PRKCE: variants seen among roughly 807,000 people sequenced by gnomAD.
PRKCE encodes the protein protein kinase C epsilon type.
In PRKCE, 16 loss-of-function variants were observed where a neutral mutation model predicts 85.4. That is an observed-to-expected ratio of 0.19 (90% CI 0.13 to 0.28). The LOEUF is 0.28. Among genes scored for constraint, PRKCE ranks in the 10% least tolerant of loss-of-function variants. The pLI, the probability that PRKCE is intolerant of heterozygous loss-of-function variation, is 1.00. For missense variants in PRKCE, 573 were observed against 975.2 expected (o/e 0.59, Z 5.49); for synonymous variants, 388 against 371.5 (o/e 1.04, Z -0.51).
chr2:45,696,027 T>G (rs549007486), intron 1 of PRKCE, among the ~76,000 whole-genome samples: 15 of 152,036 alleles, frequency 9.9e-5, no homozygotes, highest in African/African-American at 3.6e-4. Flanking sequence ...GCCATGCTGG[T>G]GTACTGCACC....
intron 14 of PRKCE, among the ~76,000 whole-genome samples, chr2:46,175,680 C>A (rs1343662169): frequency 1.3e-5 from 2 of 152,138 alleles, no homozygotes; most frequent in African/African-American, 4.8e-5. Context: ...TCTCACAGAT[C>A]GGCATTTAAA....
At chr2:45,968,067 T>C (rs1446740879) in intron 2 of PRKCE, among the ~76,000 whole-genome samples, 4 of 152,176 alleles carry the variant, frequency 2.6e-5, no homozygotes, top group Admixed American at 6.5e-5. Flanking sequence ...ATCATGCATG[T>C]TGGCAAGTCT....
At chr2:46,103,671 C>G (rs1221119895) in intron 11 of PRKCE, among the ~76,000 whole-genome samples, 4 of 152,090 alleles carry the variant, frequency 2.6e-5, no homozygotes, top group Non-Finnish European at 4.4e-5. Flanking sequence ...ATAACATAAA[C>G]AGTTAATTGG....
intron 6 of PRKCE, among the ~76,000 whole-genome samples, chr2:45,993,193 A>C (rs1703948446): frequency 6.6e-6 from 1 of 152,078 alleles, no homozygotes; most frequent in African/African-American, 2.4e-5. Context: ...ATTAATGCAA[A>C]TGCATCTCAG....
intron 1 of PRKCE, among the ~76,000 whole-genome samples, chr2:45,749,551 A>C (rs931672502): frequency 1.3e-5 from 2 of 152,248 alleles, no homozygotes; most frequent in Admixed American, 6.5e-5. Flanking sequence ...GAGAATTCAC[A>C]GTACTAAATA....
At chr2:46,144,894 C>A (rs1044140102) in intron 11 of PRKCE, among the ~76,000 whole-genome samples, 199 bp from the exon 12 acceptor site, 1 of 152,172 alleles carries the variant, frequency 6.6e-6, no homozygotes, top group Non-Finnish European at 1.5e-5. Context: ...CTCCCTCTTG[C>A]TGAAGAAAGT....
chr2:45,747,933 C>T (rs1683267196), intron 1 of PRKCE, among the ~76,000 whole-genome samples: 1 of 152,006 alleles, frequency 6.6e-6, no homozygotes, highest in Admixed American at 6.6e-5. Flanking sequence ...CAATGTTGAG[C>T]ATCTTTTCAT....
intron 6 of PRKCE, among the ~76,000 whole-genome samples, chr2:45,998,650 G>A (rs1704415562): frequency 1.3e-5 from 2 of 152,024 alleles, no homozygotes; most frequent in African/African-American, 4.8e-5. Flanking sequence ...ATTGACATTT[G>A]AAGTCAATGA....
At chr2:45,946,655 G>A (rs886454917) in intron 2 of PRKCE, among the ~76,000 whole-genome samples, 4 of 152,190 alleles carry the variant, frequency 2.6e-5, no homozygotes, top group African/African-American at 9.7e-5. Flanking sequence ...GAGTTCCATG[G>A]AGGAGGAGGT....
intron 10 of PRKCE, among the ~76,000 whole-genome samples, chr2:46,013,896 A>G (rs530414630): frequency 4.8e-4 from 73 of 152,322 alleles, no homozygotes; most frequent in African/African-American, 1.6e-3. Context: ...GAAGTGTGTA[A>G]AGTGATGTCA....
chr2:45,867,722 C>T (rs1254671198), intron 2 of PRKCE, among the ~76,000 whole-genome samples: 3 of 151,980 alleles, frequency 2.0e-5, no homozygotes, highest in Non-Finnish European at 1.5e-5. Context: ...AGGGTTTTGT[C>T]TTTTTGGAGT....
chr2:46,151,280 T>TACACACACACAC lies in PRKCE; in HGVS notation c.1920+84_1920+95dup, dbSNP rs35676949. 2.1e-4 allele frequency: 115 copies of TACACACACACAC among 559,154 alleles called. 1 individual carries two copies. Among genetic ancestry groups the TACACACACACAC allele is most frequent in the African/African-American group, 1.3e-3 (59 of 44,128 alleles). 34.6% of individuals were successfully genotyped at this position (559,154 alleles called of 1,614,324 possible). ...CTGTGCTCTCCTGGGCTCCTCCCCCTACACACACACACACACACACACACA... is the reference window on the plus strand; with the variant it reads ...CTGTGCTCTCCTGGGCTCCTCCCCCTACACACACACACACACACACACACACACACACACACA... On this transcript the variant is annotated intron_variant, in intron 13 of 14. Transcript: ENST00000306156.
intron 1 of PRKCE, among the ~76,000 whole-genome samples, chr2:45,788,528 T>C (rs1034931830): frequency 2.0e-5 from 3 of 152,352 alleles, no homozygotes; most frequent in Non-Finnish European, 1.5e-5. Flanking sequence ...TCAGGGGGCC[T>C]GCTTCTACAC....
At chr2:45,890,186 C>G (rs1041441877) in intron 2 of PRKCE, among the ~76,000 whole-genome samples, 3 of 152,174 alleles carry the variant, frequency 2.0e-5, no homozygotes, top group African/African-American at 7.2e-5. Flanking sequence ...TTATTATGGA[C>G]AATTTCAATA....
At chr2:45,891,167 C>G (rs878912113) in intron 2 of PRKCE, among the ~76,000 whole-genome samples, 2 of 152,140 alleles carry the variant, frequency 1.3e-5, no homozygotes, top group Admixed American at 1.3e-4. Flanking sequence ...ATAGATTTAC[C>G]CGACACACAC....
chr2:46,085,736 G>A (rs1005793847), intron 10 of PRKCE, among the ~76,000 whole-genome samples: 4 of 104,564 alleles, frequency 3.8e-5, no homozygotes, highest in African/African-American at 1.3e-4. Flanking sequence ...TGCAAAATCC[G>A]TTTTTTTTTT....
chr2:46,067,658 G>C (rs1667735207), intron 10 of PRKCE, among the ~76,000 whole-genome samples: 1 of 152,200 alleles, frequency 6.6e-6, no homozygotes, highest in African/African-American at 2.4e-5. Flanking sequence ...CTTGCATCTA[G>C]TAGATGCTCA....
At chr2:45,710,028 C>T (rs899741935) in intron 1 of PRKCE, among the ~76,000 whole-genome samples, 4 of 152,208 alleles carry the variant, frequency 2.6e-5, no homozygotes, top group African/African-American at 9.7e-5. Context: ...CCAGACTGGT[C>T]TCGAACCCCT....
chr2:45,976,826 A>C (rs1702485945), intron 3 of PRKCE, among the ~76,000 whole-genome samples: 1 of 151,434 alleles, frequency 6.6e-6, no homozygotes, highest in Non-Finnish European at 1.5e-5. Flanking sequence ...GAAAAGAGTT[A>C]AGATTTTAGT....
Sources: gnomAD v4.1 joint callset for allele counts (sites outside exome capture counted in the v4.1 genomes callset) on GRCh38, gnomAD v4.1.1 for gene constraint, MANE v1.5 for transcripts, NCBI Gene and HGNC (gene_info 2026-07-23, HGNC 2026-07-21) for gene names.